Variants in C12orf42 observed in about 807,000 individuals in gnomAD.
C12orf42 encodes the protein chromosome 12 open reading frame 42, also known as uncharacterized protein C12orf42.
Under a neutral mutation model 21.6 loss-of-function variants are expected in C12orf42, and 25 were observed. The ratio of observed to expected loss-of-function variants is 1.16; its 90% CI spans 0.84 to 1.62. C12orf42 has a LOEUF of 1.62. C12orf42 is among the 40% of genes most tolerant of loss of function. The pLI, the probability that C12orf42 is intolerant of heterozygous loss-of-function variation, is 0.00. For synonymous variants in C12orf42, 174 were observed against 175.0 expected, an observed-to-expected ratio of 0.99 and a Z score of 0.05; for missense variants, 483 against 459.3, an observed-to-expected ratio of 1.05 and a Z score of -0.47.
chr12:103,170,934 T>C, the C12orf42 span, among the ~76,000 whole-genome samples: 4 of 152,172 alleles, frequency 2.6e-5, no homozygotes, highest in Non-Finnish European at 4.4e-5. Context: ...CTTTTTGAGG[T>C]TGCACATCAG....
chr12:103,273,757 GAAGAGA>G (rs1184340555), intron 5 of C12orf42: 57 of 439,370 alleles, frequency 1.3e-4, no homozygotes, highest in African/African-American at 8.1e-4. Flanking sequence ...AGGAGAAAGA[GAAGAGA>G]AAGAGAAAGA....
At chr12:103,529,580 C>T in the C12orf42 span, among the ~76,000 whole-genome samples, 1 of 152,188 alleles carries the variant, frequency 6.6e-6, no homozygotes, top group Non-Finnish European at 1.5e-5. Flanking sequence ...TCTGGGCTGG[C>T]AGCAGGAGAT....
At chr12:103,475,303 T>G (rs559663353) in intron 2 of C12orf42, among the ~76,000 whole-genome samples, 71 of 152,340 alleles carry the variant, frequency 4.7e-4, no homozygotes, top group African/African-American at 1.7e-3. Flanking sequence ...ACCCTTCCTA[T>G]TAATCTGTCA....
At chr12:103,136,839 G>A in the C12orf42 span, among the ~76,000 whole-genome samples, 1 of 152,122 alleles carries the variant, frequency 6.6e-6, no homozygotes, top group African/African-American at 2.4e-5. Context: ...TATGCAAAAT[G>A]ATAAAACTGA....
chr12:103,503,555 C>T, the C12orf42 span: 1 of 152,304 alleles, frequency 6.6e-6, no homozygotes, highest in Non-Finnish European at 1.5e-5. Context: ...TCTGCCTGCC[C>T]CGGATGGATT....
the C12orf42 span, among the ~76,000 whole-genome samples, chr12:103,533,249 A>C: frequency 6.6e-6 from 1 of 152,166 alleles, no homozygotes; most frequent in Admixed American, 6.5e-5. Context: ...GGGAACTTGA[A>C]TTTTCTTAAA....
the C12orf42 span, among the ~76,000 whole-genome samples, chr12:103,111,644 T>C: frequency 1.4e-3 from 207 of 152,312 alleles, 2 homozygotes; most frequent in Middle Eastern, 3.4e-3. Flanking sequence ...CAGCTCCTCA[T>C]GTACGAGTTT....
the C12orf42 span, among the ~76,000 whole-genome samples, chr12:103,223,279 G>A: frequency 1.3e-5 from 2 of 152,118 alleles, no homozygotes; most frequent in Admixed American, 1.3e-4. Flanking sequence ...ACCTAGAGTG[G>A]GAGAGATTAA....
chr12:103,065,011 C>T, the C12orf42 span, among the ~76,000 whole-genome samples: 2 of 152,104 alleles, frequency 1.3e-5, no homozygotes, highest in Non-Finnish European at 2.9e-5. Flanking sequence ...ACATTGGCTC[C>T]CTGACTGGTA....
the C12orf42 span, among the ~76,000 whole-genome samples, chr12:103,140,397 C>G: frequency 1.3e-5 from 2 of 152,138 alleles, no homozygotes; most frequent in African/African-American, 4.8e-5. Context: ...TGCCTCAGCT[C>G]CTGATAGATT....
At chr12:103,079,394 C>T in the C12orf42 span, among the ~76,000 whole-genome samples, 5 of 152,066 alleles carry the variant, frequency 3.3e-5, no homozygotes, top group African/African-American at 1.2e-4. Flanking sequence ...GTGTATAGGT[C>T]AAAAGCAAAC....
At chr12:103,522,102 T>A in the C12orf42 span, among the ~76,000 whole-genome samples, 1 of 152,164 alleles carries the variant, frequency 6.6e-6, no homozygotes, top group Admixed American at 6.5e-5. Flanking sequence ...AATCCCCACA[T>A]GTCAAGGGCA....
the C12orf42 span, among the ~76,000 whole-genome samples, chr12:103,538,608 A>G: frequency 6.6e-6 from 1 of 152,366 alleles, no homozygotes; most frequent in African/African-American, 2.4e-5. Flanking sequence ...ACCTCCAGGC[A>G]TCTTCCTGTG....
At chr12:103,525,847 G>C in the C12orf42 span, among the ~76,000 whole-genome samples, 9,570 of 152,076 alleles carry the variant, frequency 0.063, 996 homozygotes, top group African/African-American at 0.22. Flanking sequence ...GGCCAACAAG[G>C]TGAAACCCCA....
the C12orf42 span, among the ~76,000 whole-genome samples, chr12:103,110,726 T>C: frequency 6.6e-6 from 1 of 152,212 alleles, no homozygotes; most frequent in African/African-American, 2.4e-5. Context: ...TCCCCAGCTT[T>C]ATTACAGGTT....
At chr12:103,133,495 G>T in the C12orf42 span, among the ~76,000 whole-genome samples, 1 of 152,114 alleles carries the variant, frequency 6.6e-6, no homozygotes, top group Admixed American at 6.6e-5. Context: ...TGGGGCCCAA[G>T]GACTCACCTG....
chr12:103,386,010 T>C (rs2046580623), intron 3 of C12orf42, among the ~76,000 whole-genome samples: 1 of 152,186 alleles, frequency 6.6e-6, no homozygotes. Flanking sequence ...TAGTAACAGC[T>C]AGCATGCCTG....
At chr12:103,188,946 T>A in the C12orf42 span, among the ~76,000 whole-genome samples, 1 of 152,216 alleles carries the variant, frequency 6.6e-6, no homozygotes, top group Admixed American at 6.5e-5. Flanking sequence ...TGTAGCTGCT[T>A]CATGGAAAAC....
intron 2 of C12orf42, among the ~76,000 whole-genome samples, chr12:103,469,779 G>A (rs1342197805): frequency 6.6e-6 from 1 of 152,190 alleles, no homozygotes; most frequent in African/African-American, 2.4e-5. Context: ...ACATCGATTA[G>A]ACAGTGTGTT....
Sources: gnomAD v4.1 joint callset for allele counts (sites outside exome capture counted in the v4.1 genomes callset) on GRCh38, gnomAD v4.1.1 for gene constraint, MANE v1.5 for transcripts, NCBI Gene and HGNC (gene_info 2026-07-23, HGNC 2026-07-21) for gene names.